Variants in QPCT observed in about 807,000 individuals in gnomAD.
QPCT encodes the protein glutaminyl-peptide cyclotransferase, also known as EC.
In QPCT, 44 loss-of-function variants were observed where a neutral mutation model predicts 43.4. That is an observed-to-expected ratio of 1.01 (90% CI 0.80 to 1.30). The LOEUF (loss-of-function observed/expected upper bound fraction) is 1.30. Ranked by LOEUF, QPCT falls within the 50% of genes most tolerant of loss-of-function variation. The pLI is 0.00. For missense variants in QPCT, 526 were observed against 436.5 expected (o/e 1.21, Z -1.83); for synonymous variants, 168 against 168.4 (o/e 1.00, Z 0.02).
chr2:37,359,119 C>T (rs1249046424), intron 2 of QPCT, among the ~76,000 whole-genome samples: 2 of 152,140 alleles, frequency 1.3e-5, no homozygotes, highest in Non-Finnish European at 2.9e-5. Context: ...GCATCTCTGT[C>T]TCCTGACTTG....
Position 37,372,709 on chromosome 2 carries a change from C to G in QPCT, c.968C>G (p.Ser323Cys). 1 of 1,613,614 alleles carries G rather than the reference C, an allele frequency of 6.2e-7. No individual in the cohort carries two copies. The highest frequency in any genetic ancestry group is 8.5e-7 in the Non-Finnish European group (1 of 1,179,782). Residue 323 changes from serine (S) to cysteine (C), a missense_variant, in exon 7 of 7, where the codon TCT (serine) becomes TGT (cysteine). Physicochemically the swap from Ser to Cys is moderately radical, Grantham distance 112. Coordinates refer to ENST00000338415, the MANE Select transcript of QPCT (RefSeq NM_012413.4). ...GTTCCAGTTCTGCATCTGATACCGT[C>G]TCCTTTCCCTGAAGTCTGGCACACC... ...RGVPVLHLIP[S>C]PFPEVWHTMD...
In QPCT at chr2:37,367,274, T is replaced by C; in HGVS notation, c.589T>C (p.Phe197Leu). The change falls in exon 4 of 7, where the codon TTC becomes CTC. Residue 197 changes from phenylalanine (F) to leucine (L), a missense_variant. Phe to Leu is a conservative substitution (Grantham distance 22). Coordinates refer to ENST00000338415, the MANE Select transcript of QPCT (RefSeq NM_012413.4). ...GCCAGATTTGTCACTCCAGCTGATC[T>C]TCTTTGATGGTGAAGAGGCTTTTCT... ...SKPDLSLQLI[F>L]FDGEEAFLHW... 1.2e-6 allele frequency: 2 copies of C among 1,614,116 alleles called. No homozygotes were observed. The highest frequency in any genetic ancestry group is 1.7e-6 in the Non-Finnish European group (2 of 1,179,982).
intron 2 of QPCT, among the ~76,000 whole-genome samples, chr2:37,356,665 A>G (rs1173529584): frequency 6.6e-6 from 1 of 152,192 alleles, no homozygotes; most frequent in East Asian, 1.9e-4. Context: ...GTTTATAAAG[A>G]CGATTTATCT....
intron 2 of QPCT, among the ~76,000 whole-genome samples, chr2:37,357,506 C>A (rs1672774735): frequency 6.6e-6 from 1 of 152,058 alleles, no homozygotes; most frequent in African/African-American, 2.4e-5. Flanking sequence ...CTACTGTGAG[C>A]AAAGCACAGT....
rs778310358 is a variant in QPCT at position 37,372,780 on chromosome 2, C to G, written c.1039C>G (p.Leu347Val). The G allele has an allele frequency of 6.2e-7, 1 of 1,612,854 alleles. No homozygotes were observed. Among genetic ancestry groups the G allele is most frequent in the Non-Finnish European group, 8.5e-7 (1 of 1,179,070 alleles). Reference sequence around the variant, plus strand: ...TTTGGATGAATCAACCATTGACAATCTAAACAAAATCCTACAAGTCTTTGT... The same window carrying G: ...TTTGGATGAATCAACCATTGACAATGTAAACAAAATCCTACAAGTCTTTGT... ...ENLDESTIDN[L>V]NKILQVFVLE... The change falls in exon 7 of 7, where the codon CTA (leucine) becomes GTA (valine). Residue 347 changes from leucine to valine, a missense_variant. Physicochemically the swap from Leu to Val is conservative, Grantham distance 32. Coordinates refer to ENST00000338415, the MANE Select transcript of QPCT (RefSeq NM_012413.4).
intron 3 of QPCT, among the ~76,000 whole-genome samples, chr2:37,364,759 A>C (rs1246762759): frequency 6.6e-6 from 1 of 152,074 alleles, no homozygotes; most frequent in Non-Finnish European, 1.5e-5. Flanking sequence ...GAGTTTTGAC[A>C]CTTTGTTCGA....
chr2:37,361,549 C>G (rs1357932732), intron 3 of QPCT, among the ~76,000 whole-genome samples: 1 of 152,158 alleles, frequency 6.6e-6, no homozygotes, highest in Non-Finnish European at 1.5e-5. Context: ...CTTGCTCTTC[C>G]GTGTCTTTGC....
intron 5 of QPCT, among the ~76,000 whole-genome samples, chr2:37,371,724 C>T (rs1439670275): frequency 6.6e-6 from 1 of 152,146 alleles, no homozygotes; most frequent in East Asian, 1.9e-4. Context: ...TAAAGTGCAT[C>T]AGAATCACCT....
At chr2:37,350,907 A>T (rs184550031) in intron 1 of QPCT, among the ~76,000 whole-genome samples, 53 of 152,326 alleles carry the variant, frequency 3.5e-4, no homozygotes, top group African/African-American at 1.1e-3. Context: ...TGTTTTACAG[A>T]TGAGGAAATT....
intron 4 of QPCT, chr2:37,368,507 T>G (rs937414033): frequency 4.5e-5 from 20 of 448,824 alleles, no homozygotes; most frequent in Non-Finnish European, 7.9e-5. Flanking sequence ...GCACCCCCGC[T>G]TATTCCTATC....
chr2:37,369,555 C>A, intron 4 of QPCT, 130 bp from the exon 5 acceptor site: 1 of 678,344 alleles, frequency 1.5e-6, no homozygotes. Flanking sequence ...ATCTTTGGTT[C>A]ATTCATATAG....
intron 1 of QPCT, among the ~76,000 whole-genome samples, chr2:37,346,049 T>G (rs1270868620): frequency 6.6e-6 from 1 of 152,180 alleles, no homozygotes; most frequent in Non-Finnish European, 1.5e-5. Flanking sequence ...GAGCAGACCT[T>G]TTACACACTT....
Position 37,367,176 on chromosome 2 carries a change from C to A in QPCT, c.547-56C>A, listed in dbSNP as rs1239171410. On this transcript the variant is annotated intron_variant, in intron 3 of 6. Coordinates refer to ENST00000338415, the MANE Select transcript of QPCT (RefSeq NM_012413.4). The stretch of plus-strand genomic sequence containing the variant: ...TTTGCCCAATTAATAGAAAATCATG[C>A]TATTTTTCATCATCACAGTATTTTT... 4.7e-6 allele frequency: 7 copies of A among 1,502,190 alleles called. No homozygotes were observed. In the East Asian group the frequency reaches 1.1e-4, roughly 24 times the overall value. The allele number at this position is 1,502,190 out of a possible 1,614,324, so 93.1% of individuals were successfully genotyped here. A position where few individuals can be genotyped will look rare whatever the true frequency, so the allele number is the denominator to read the frequency against.
At chr2:37,359,501 C>T (rs781163375) in intron 2 of QPCT, 79 bp from the exon 3 acceptor site, 131 of 1,378,086 alleles carry the variant, frequency 9.5e-5, no homozygotes, top group Non-Finnish European at 1.3e-4. Context: ...AAAGGCACTA[C>T]TTAAAATTTC....
intron 3 of QPCT, among the ~76,000 whole-genome samples, chr2:37,365,162 A>T (rs1425472116): frequency 1.3e-5 from 2 of 151,994 alleles, no homozygotes; most frequent in Non-Finnish European, 1.5e-5. Flanking sequence ...CAAGACAGTG[A>T]GTGAGTGTGG....
intron 3 of QPCT, among the ~76,000 whole-genome samples, chr2:37,364,485 G>A (rs1672915798): frequency 1.3e-5 from 2 of 152,224 alleles, no homozygotes; most frequent in Admixed American, 6.5e-5. Context: ...ATAGTGTCTG[G>A]AACGCTTGAC....
intron 1 of QPCT, among the ~76,000 whole-genome samples, chr2:37,348,056 G>A (rs545627479): frequency 1.1e-3 from 115 of 103,280 alleles, no homozygotes; most frequent in East Asian, 2.3e-3. Flanking sequence ...CTCTCTGCGC[G>A]CGCACGCGTG....
Position 37,363,388 on chromosome 2 carries a change from C to T in QPCT, c.546+3530C>T, listed in dbSNP as rs372872294. On this transcript the variant is annotated intron_variant, in intron 3 of 6. Coordinates refer to ENST00000338415, the MANE Select transcript of QPCT (RefSeq NM_012413.4). ...CTGTAATCCTAGCACTTTGGGAGGC[C>T]GAGGTGGGAGGATTGCTTGAGGCCA... Among the ~76,000 whole-genome samples, 61 of 145,998 alleles carry T rather than the reference C, an allele frequency of 4.2e-4. 1 individual carries two copies. In the South Asian group the frequency reaches 9.4e-3, roughly 22 times the overall value.
At chr2:37,360,619 G>T (rs1178843054) in intron 3 of QPCT, among the ~76,000 whole-genome samples, 1 of 152,202 alleles carries the variant, frequency 6.6e-6, no homozygotes, top group Non-Finnish European at 1.5e-5. Context: ...GAAGGGTCCA[G>T]CCTTTGATAC....
Sources: allele counts gnomAD v4.1 joint callset (sites outside exome capture counted in the v4.1 genomes callset), GRCh38; gene constraint gnomAD v4.1.1; transcripts MANE v1.5; gene names NCBI Gene and HGNC (gene_info 2026-07-23, HGNC 2026-07-21).